Variants in ZNRF3 observed in about 807,000 individuals in gnomAD.
ZNRF3 encodes zinc and ring finger 3.
Under a neutral mutation model 72.5 loss-of-function variants are expected in ZNRF3, and 23 were observed. The observed-to-expected ratio is 0.32, with a 90% CI of 0.23 to 0.45. The LOEUF (loss-of-function observed/expected upper bound fraction) is 0.45. Among genes scored for constraint, ZNRF3 ranks in the 20% least tolerant of loss-of-function variants. ZNRF3 has a pLI of 1.00. For synonymous variants in ZNRF3, 610 were observed against 545.3 expected (o/e 1.12, Z -1.65); for missense variants, 1,169 against 1,272.1 (o/e 0.92, Z 1.23).
intron 1 of ZNRF3, among the ~76,000 whole-genome samples, chr22:28,884,673 GC>G (rs2033741973): frequency 6.6e-6 from 1 of 152,196 alleles, no homozygotes; most frequent in Non-Finnish European, 1.5e-5. Context: ...GCGATGGAAG[GC>G]AGCCCTCGCT....
In ZNRF3 at chr22:28,900,556, C is replaced by T. The variant is rs373609085; in HGVS notation, c.300+16490C>T. Reference sequence around the variant, plus strand: ...GCAGGTGGCATCTGCTGTTCTAGTGCCTCTTTACAGAAGATGATCCAAGTC... The same window carrying T: ...GCAGGTGGCATCTGCTGTTCTAGTGTCTCTTTACAGAAGATGATCCAAGTC... On this transcript the variant is annotated intron_variant, in intron 1 of 8. Coordinates refer to ENST00000544604, the MANE Select transcript of ZNRF3 (RefSeq NM_001206998.2). Among the ~76,000 whole-genome samples the T allele has an allele frequency of 1.7e-3, 260 of 152,284 alleles. 12 individuals carry two copies. The South Asian group carries it at 0.051, about 30-fold the overall frequency.
chr22:28,889,558 C>A (rs1325023175), intron 1 of ZNRF3, among the ~76,000 whole-genome samples: 1 of 152,178 alleles, frequency 6.6e-6, no homozygotes, highest in Non-Finnish European at 1.5e-5. Context: ...CTGTTGTCTT[C>A]TGGAGTTCAG....
chr22:28,916,621 T>G (rs898801312), intron 1 of ZNRF3, among the ~76,000 whole-genome samples: 4 of 152,238 alleles, frequency 2.6e-5, no homozygotes, highest in African/African-American at 7.2e-5. Context: ...AAAAAATTGT[T>G]GAGTGACTAA....
In ZNRF3 at chr22:28,987,149, AG is replaced by A. The variant is rs1415814207; in HGVS notation, c.375del (p.Lys125AsnfsTer16). ...LYEYGWVGVV[K>X]LEQPELDPKP... ...GAATATGGCTGGGTAGGAGTGGTGAAGCTGGAACAGCCAGAATTGGACCCGA... is the reference window on the plus strand; with the variant it reads ...GAATATGGCTGGGTAGGAGTGGTGAACTGGAACAGCCAGAATTGGACCCGA... On this transcript the variant is annotated frameshift_variant, in exon 2 of 9. Coordinates refer to ENST00000544604, the MANE Select transcript of ZNRF3 (RefSeq NM_001206998.2). LOFTEE classifies it high-confidence loss of function. The A allele has an allele frequency of 6.2e-7, 1 of 1,613,928 alleles. No homozygotes were observed. The highest frequency in any genetic ancestry group is 1.3e-5 in the African/African-American group (1 of 74,928).
intron 1 of ZNRF3, among the ~76,000 whole-genome samples, chr22:28,902,757 G>T (rs1049294212): frequency 6.6e-6 from 1 of 152,102 alleles, no homozygotes; most frequent in African/African-American, 2.4e-5. Context: ...ACTTTTCCTA[G>T]CGTTGTTATG....
chr22:28,943,464 C>T (rs373848889), intron 1 of ZNRF3, among the ~76,000 whole-genome samples: 1 of 152,108 alleles, frequency 6.6e-6, no homozygotes, highest in Admixed American at 6.5e-5. Context: ...GGGTTCCCAG[C>T]GTCCCTCAGC....
intron 1 of ZNRF3, among the ~76,000 whole-genome samples, chr22:28,971,904 C>T (rs5752846): frequency 0.12 from 18,413 of 151,948 alleles, 1,456 homozygotes; most frequent in Middle Eastern, 0.21. Flanking sequence ...GACAGGGTTT[C>T]GCCATGTTGC....
chr22:29,003,127 G>A (rs1331304791), intron 2 of ZNRF3, among the ~76,000 whole-genome samples: 2 of 152,132 alleles, frequency 1.3e-5, no homozygotes, highest in African/African-American at 4.8e-5. Flanking sequence ...TTTATATCAT[G>A]ATTATGTTTT....
chr22:29,016,586 A>G (rs1160195836), intron 2 of ZNRF3, among the ~76,000 whole-genome samples: 4 of 152,246 alleles, frequency 2.6e-5, no homozygotes, highest in Non-Finnish European at 2.9e-5. Flanking sequence ...TGTTAAAGCC[A>G]TGAAAACAGA....
intron 2 of ZNRF3, among the ~76,000 whole-genome samples, chr22:29,016,030 C>CAA (rs968548306): frequency 5.1e-5 from 7 of 137,940 alleles, no homozygotes; most frequent in African/African-American, 1.7e-4. Flanking sequence ...AAAAAAAAAA[C>CAA]AAAAAAACTG....
intron 2 of ZNRF3, among the ~76,000 whole-genome samples, chr22:29,033,363 A>T (rs2036799987): frequency 6.6e-6 from 1 of 151,782 alleles, no homozygotes; most frequent in Non-Finnish European, 1.5e-5. Flanking sequence ...AAAAAAAAAA[A>T]AAAAAAAAAG....
intron 2 of ZNRF3, among the ~76,000 whole-genome samples, chr22:29,006,464 G>A (rs1037072810): frequency 1.3e-5 from 2 of 152,084 alleles, no homozygotes; most frequent in African/African-American, 2.4e-5. Context: ...TGCCTGCCTC[G>A]TCCTCCGAAA....
intron 1 of ZNRF3, chr22:28,917,350 C>A: frequency 1.1e-6 from 1 of 904,894 alleles, no homozygotes; most frequent in African/African-American, 1.8e-5. Context: ...TCTGATCTAA[C>A]TGCCAACTCC....
At chr22:28,949,557 C>T (rs771642314) in intron 1 of ZNRF3, among the ~76,000 whole-genome samples, 14 of 152,190 alleles carry the variant, frequency 9.2e-5, no homozygotes, top group African/African-American at 7.2e-5. Flanking sequence ...TGGGATTAAG[C>T]GTGCACCACT....
At chr22:29,000,748 A>G (rs2036127071) in intron 2 of ZNRF3, among the ~76,000 whole-genome samples, 1 of 152,188 alleles carries the variant, frequency 6.6e-6, no homozygotes, top group South Asian at 2.1e-4. Context: ...GGCCTCAGGA[A>G]GCTTACAATC....
chr22:29,006,485 T>C (rs1034559965), intron 2 of ZNRF3, among the ~76,000 whole-genome samples: 4 of 152,170 alleles, frequency 2.6e-5, no homozygotes, highest in African/African-American at 9.6e-5. Context: ...GTGCTGGGAT[T>C]ACAGGTGTGA....
rs919240355 is a variant in ZNRF3 at position 29,043,325 on chromosome 22, C to T, written c.528C>T (p.Leu176=). The change falls in exon 4 of 9, where the codon CTC becomes CTT. Residue 176 remains leucine (L), a synonymous_variant. Transcript: ENST00000544604. ...DQLNQGSEDP[L]KRPVVYVKGA... ...TGAACCAGGGCTCTGAAGACCCGCT[C>T]AAGAGGCCGGTGGTGTATGTGAAGG... is the stretch of plus-strand genomic sequence containing the variant. 4 of 1,613,904 alleles carry T rather than the reference C, an allele frequency of 2.5e-6. No individual in the cohort carries two copies. The African/African-American group carries it at 4.0e-5, about 16-fold the overall frequency.
At chr22:29,014,563 T>C (rs1444981187) in intron 2 of ZNRF3, among the ~76,000 whole-genome samples, 1 of 152,230 alleles carries the variant, frequency 6.6e-6, no homozygotes, top group Non-Finnish European at 1.5e-5. Flanking sequence ...GTAGCCTGGA[T>C]GCAGTGAGCT....
intron 2 of ZNRF3, among the ~76,000 whole-genome samples, chr22:29,023,945 C>T (rs1257738679): frequency 2.0e-5 from 3 of 152,162 alleles, no homozygotes; most frequent in Non-Finnish European, 4.4e-5. Flanking sequence ...TTATAGCTCT[C>T]TCCACTTACC....
Sources: allele counts gnomAD v4.1 joint callset (sites outside exome capture counted in the v4.1 genomes callset), GRCh38; gene constraint gnomAD v4.1.1; transcripts MANE v1.5; gene names NCBI Gene and HGNC (gene_info 2026-07-23, HGNC 2026-07-21).